Variants in PGGT1B observed in about 807,000 individuals in gnomAD.
The protein encoded by PGGT1B is protein geranylgeranyltransferase type I subunit beta.
Under a neutral mutation model 46.1 loss-of-function variants are expected in PGGT1B, and 30 were observed. The observed-to-expected ratio is 0.65, with a 90% confidence interval of 0.49 to 0.88. The LOEUF (loss-of-function observed/expected upper bound fraction) is 0.88, where lower values mean the gene tolerates loss of function less well. Ranked by LOEUF, PGGT1B falls within the 40% of genes least tolerant of loss-of-function variation. The pLI is 0.00. For synonymous variants in PGGT1B, 170 were observed against 160.0 expected (o/e 1.06, Z -0.47); for missense variants, 376 against 455.9 (o/e 0.82, Z 1.60).
chr5:115,204,541 C>T lies in PGGT1B; in HGVS notation c.*7861G>A, dbSNP rs1002147101. 27 of 152,092 alleles carry T rather than the reference C, an allele frequency of 1.8e-4. No individual in the cohort carries two copies. Among genetic ancestry groups the T allele is most frequent in the African/African-American group, 4.6e-4 (19 of 41,418 alleles). 9.4% of individuals were successfully genotyped at this position (152,092 alleles called of 1,614,324 possible). On this transcript the variant is annotated 3_prime_UTR_variant, in exon 9 of 9. Transcript: ENST00000419445. ...CTTGATTTCCACACATTATCAATAA[C>T]GGAATACCATTTTCACCCACCTAGA...
intron 6 of PGGT1B, among the ~76,000 whole-genome samples, chr5:115,226,080 C>CGGGGGT (rs1335537821): frequency 8.3e-5 from 1 of 11,980 alleles, no homozygotes; most frequent in African/African-American, 2.6e-4. Flanking sequence ...CCTGAGTTGG[C>CGGGGGT]GGGGGTGGGG....
At chr5:115,219,076 AC>A (rs1009667585) in intron 7 of PGGT1B, among the ~76,000 whole-genome samples, 3 of 151,850 alleles carry the variant, frequency 2.0e-5, no homozygotes, top group African/African-American at 7.2e-5. Context: ...ATTTCAAAAG[AC>A]TTTTTTGCAG....
chr5:115,223,515 A>C (rs1756653514), intron 6 of PGGT1B, among the ~76,000 whole-genome samples: 1 of 152,192 alleles, frequency 6.6e-6, no homozygotes, highest in South Asian at 2.1e-4. Flanking sequence ...AGCAGCCACT[A>C]GAAGCTGGGA....
In PGGT1B at chr5:115,216,849, C is replaced by A. The variant is rs1046268335; in HGVS notation, c.952+16G>T. ...AGGAAATAAAGGTTGTTCTGATTCA[C>A]AAAGAAAATAATTACCTGGATGACT... is the stretch of plus-strand genomic sequence containing the variant. On this transcript the variant is annotated intron_variant, in intron 8 of 8. Transcript: ENST00000419445. The A allele has an allele frequency of 7.7e-7, 1 of 1,303,442 alleles. No homozygotes were observed. Among genetic ancestry groups the A allele is most frequent in the Non-Finnish European group, 1.1e-6 (1 of 901,104 alleles). The allele number at this position is 1,303,442 out of a possible 1,614,324, so 80.7% of individuals were successfully genotyped here. A position where few individuals can be genotyped will look rare whatever the true frequency, so the allele number is the denominator to read the frequency against.
At chr5:115,258,693 T>G (rs1748426369) in intron 1 of PGGT1B, among the ~76,000 whole-genome samples, 2 of 152,230 alleles carry the variant, frequency 1.3e-5, no homozygotes, top group Admixed American at 1.3e-4. Context: ...GGATTACTTC[T>G]TCCAAGAAGC....
chr5:115,208,126 T>C lies in PGGT1B; in HGVS notation c.*4276A>G. On this transcript the variant is annotated 3_prime_UTR_variant, in exon 9 of 9. Transcript: ENST00000419445. ...GTTGGATTGTTTGCTAATGTTATCA[T>C]TAAAACTTTTTATTAATATTCATGA... 1 of 151,764 alleles carries C rather than the reference T, an allele frequency of 6.6e-6. No homozygotes were observed. The highest frequency in any genetic ancestry group is 1.9e-4 in the East Asian group (1 of 5,200). 9.4% of individuals were successfully genotyped at this position (151,764 alleles called of 1,614,324 possible). A position where few individuals can be genotyped will look rare whatever the true frequency, so the allele number is the denominator to read the frequency against.
intron 6 of PGGT1B, among the ~76,000 whole-genome samples, chr5:115,223,252 C>T (rs1756643933): frequency 2.0e-5 from 3 of 152,228 alleles, no homozygotes; most frequent in Admixed American, 6.5e-5. Flanking sequence ...CTGAATAATG[C>T]CTCCCCAATA....
At chr5:115,243,007 T>C (rs777148639) in intron 2 of PGGT1B, among the ~76,000 whole-genome samples, 2 of 151,918 alleles carry the variant, frequency 1.3e-5, no homozygotes. Context: ...ATTTCAGTGA[T>C]TATGGTTCTC....
chr5:115,252,657 G>A (rs913185006), intron 2 of PGGT1B, among the ~76,000 whole-genome samples: 3 of 151,970 alleles, frequency 2.0e-5, no homozygotes, highest in Non-Finnish European at 4.4e-5. Context: ...AGTGTTAAGT[G>A]TAAAAATGAC....
chr5:115,228,055 A>G (rs753965583), intron 6 of PGGT1B, among the ~76,000 whole-genome samples: 1 of 152,232 alleles, frequency 6.6e-6, no homozygotes, highest in African/African-American at 2.4e-5. Flanking sequence ...TTTTTTAAAA[A>G]ATCAATAAAT....
At position 115,242,740 on chromosome 5, in the gene PGGT1B, G is replaced by A. The variant is rs151306276; in HGVS notation, c.260-1134C>T. ...GCACTTGGGGAGGAGGCAGAGGAGG[G>A]CGGATCACCTGAGGTCAGGAGTTCC... On this transcript the variant is annotated intron_variant, in intron 2 of 8. Transcript: ENST00000419445. Among the ~76,000 whole-genome samples, 556 of 152,298 alleles carry A rather than the reference G, an allele frequency of 3.7e-3. 5 individuals are homozygous for A. Among genetic ancestry groups the A allele is most frequent in the African/African-American group, 0.012 (504 of 41,550 alleles).
At chr5:115,246,336 A>G (rs1747830436) in intron 2 of PGGT1B, among the ~76,000 whole-genome samples, 1 of 151,462 alleles carries the variant, frequency 6.6e-6, no homozygotes, top group Admixed American at 6.6e-5. Context: ...ATCCTGGGTG[A>G]CAGAATGATA....
At chr5:115,257,497 T>A (rs1748371250) in intron 1 of PGGT1B, among the ~76,000 whole-genome samples, 1 of 120,878 alleles carries the variant, frequency 8.3e-6, no homozygotes, top group Non-Finnish European at 1.6e-5. Context: ...GCCATTGCAC[T>A]CCAGCCTGGG....
chr5:115,233,495 A>C (rs2127007018), intron 5 of PGGT1B, among the ~76,000 whole-genome samples: 1 of 151,708 alleles, frequency 6.6e-6, no homozygotes, highest in East Asian at 1.9e-4. Flanking sequence ...GTCAGGCAAA[A>C]AAATAAGAAC....
In PGGT1B at chr5:115,262,729, A is replaced by G; in HGVS notation, c.123T>C (p.Ser41=). ...RCLQVLPERY[S]SLETSRLTIA... is the part of the protein sequence containing the mutation. Reference sequence around the variant, plus strand: ...CGAGTTACCTGCTTGTCTCGAGTGAAGAATAGCGCTCCGGCAAAACCTGGA... The same window carrying G: ...CGAGTTACCTGCTTGTCTCGAGTGAGGAATAGCGCTCCGGCAAAACCTGGA... Residue 41 remains serine, a synonymous_variant, in exon 1 of 9, where the codon TCT becomes TCC. Transcript: ENST00000419445. 1 of 1,611,198 alleles carries G rather than the reference A, an allele frequency of 6.2e-7. No homozygotes were observed. The highest frequency in any genetic ancestry group is 1.3e-5 in the African/African-American group (1 of 74,932).
At chr5:115,216,628 A>G (rs1222378646) in intron 8 of PGGT1B, among the ~76,000 whole-genome samples, 1 of 152,244 alleles carries the variant, frequency 6.6e-6, no homozygotes, top group Non-Finnish European at 1.5e-5. Flanking sequence ...ATTACTAAGT[A>G]AAATATTTGG....
At chr5:115,219,964 A>C (rs909152590) in intron 7 of PGGT1B, among the ~76,000 whole-genome samples, 4 of 151,882 alleles carry the variant, frequency 2.6e-5, no homozygotes, top group African/African-American at 9.7e-5. Context: ...GTGAGGATGT[A>C]GAGAAAATGG....
At chr5:115,237,306 C>G (rs1387252923) in intron 4 of PGGT1B, among the ~76,000 whole-genome samples, 1 of 152,200 alleles carries the variant, frequency 6.6e-6, no homozygotes, top group East Asian at 1.9e-4. Flanking sequence ...CTTTTCACTA[C>G]TGCTTTATCG....
chr5:115,212,470 C>T lies in PGGT1B; in HGVS notation c.1066G>A (p.Asp356Asn). 2 of 1,608,386 alleles carry T rather than the reference C, an allele frequency of 1.2e-6. No homozygotes were observed. The highest frequency in any genetic ancestry group is 1.7e-6 in the Non-Finnish European group (2 of 1,176,454). ...TTGGTTTTCCAGCTTTGATGGAGAT[C>T]TAGAAGGCGTTCAGAAGTCCGTGTG... ...VSTRTSERLL[D>N]LHQSWKTKDS... is the part of the protein sequence containing the mutation. Residue 356 changes from aspartate (D) to asparagine (N), a missense_variant, in exon 9 of 9, where the codon GAT becomes AAT. Asp to Asn is a conservative substitution (Grantham distance 23, BLOSUM62 1). Around this residue, in one of 2 missense-constraint regions of PGGT1B, gnomAD observed 222 missense variants for 313.6 expected, o/e 0.71. Coordinates refer to ENST00000419445, the MANE Select transcript of PGGT1B (RefSeq NM_005023.4).
Sources: allele counts gnomAD v4.1 joint callset (sites outside exome capture counted in the v4.1 genomes callset), GRCh38; gene constraint gnomAD v4.1.1; regional missense constraint gnomAD v4.1.1; transcripts MANE v1.5; gene names NCBI Gene and HGNC (gene_info 2026-07-23, HGNC 2026-07-21).